SFR1: variants seen among roughly 807,000 people sequenced by gnomAD.
SFR1 encodes the protein swi5-dependent recombination DNA repair protein 1 homolog.
A neutral mutation model predicts 26.2 loss-of-function variants in SFR1; 24 were observed. The ratio of observed to expected loss-of-function variants is 0.92; its 90% CI spans 0.66 to 1.29. SFR1 has a LOEUF of 1.29. SFR1 is among the 50% of genes most tolerant of loss of function. The pLI, the probability that SFR1 is intolerant of heterozygous loss-of-function variation, is 0.00. For synonymous variants in SFR1, 77 were observed against 96.6 expected (o/e 0.80, Z 1.19); for missense variants, 276 against 270.2 (o/e 1.02, Z -0.15).
chr10:104,123,113 G>A, intron 2 of SFR1, 27 bp downstream of exon 2: 1 of 1,512,632 alleles, frequency 6.6e-7, no homozygotes. Context: ...TCTTCCAGTG[G>A]ATCCATTATG....
upstream of SFR1, among the ~76,000 whole-genome samples, chr10:104,120,903 C>A (rs1233285741): frequency 6.6e-6 from 1 of 152,156 alleles, no homozygotes; most frequent in Non-Finnish European, 1.5e-5. Context: ...CCACTACTGT[C>A]AGATGTTATT....
At chr10:104,121,675 G>A (rs2086962359), upstream of SFR1, among the ~76,000 whole-genome samples, 1 of 152,190 alleles carries the variant, frequency 6.6e-6, no homozygotes, top group African/African-American at 2.4e-5. Context: ...AGACTGACTG[G>A]AGCCAGAGAA....
At chr10:104,122,573 A>G in intron 1 of SFR1, 1 of 985,418 alleles carries the variant, frequency 1.0e-6, no homozygotes, top group Non-Finnish European at 1.2e-6. Context: ...GGTGACATTC[A>G]GGTCCTATTG....
rs2086984784 is a variant in SFR1, at chr10:104,123,067, C to G, written c.116C>G (p.Thr39Arg). ...QASANPSSPY[T>R]NSSRKQPMSA... ...TCTGCGAATCCATCATCTCCCTATACAAATAGTTCCCGAAAACAAGTATGA... is the reference window on the plus strand; with the variant it reads ...TCTGCGAATCCATCATCTCCCTATAGAAATAGTTCCCGAAAACAAGTATGA... The change falls in exon 2 of 4, where the codon ACA (threonine) becomes AGA (arginine). Residue 39 changes from threonine (T) to arginine (R), a missense_variant. Thr to Arg is a moderately conservative substitution (Grantham distance 71). Transcript: ENST00000369727. 1 of 1,572,746 alleles carries G rather than the reference C, an allele frequency of 6.4e-7. No individual in the cohort carries two copies. Among genetic ancestry groups the G allele is most frequent in the East Asian group, 2.2e-5 (1 of 44,500 alleles).
chr10:104,123,156 AT>A, intron 2 of SFR1, 70 bp downstream of exon 2: 1 of 1,195,968 alleles, frequency 8.4e-7, no homozygotes, highest in South Asian at 1.6e-5. Flanking sequence ...GGTGGTTTAA[AT>A]TCTACGGAAG....
chr10:104,125,375 A>T, intron 3 of SFR1, 138 bp from the exon 4 acceptor site: 3 of 636,700 alleles, frequency 4.7e-6, no homozygotes, highest in South Asian at 2.0e-5. Flanking sequence ...TGACCATCCT[A>T]CTTTTTCCTA....
At chr10:104,121,657 G>A (rs958837388), upstream of SFR1, among the ~76,000 whole-genome samples, 1 of 152,222 alleles carries the variant, frequency 6.6e-6, no homozygotes, top group Non-Finnish European at 1.5e-5. Context: ...GTGACTAGCA[G>A]GGAGAGGAGA....
upstream of SFR1, among the ~76,000 whole-genome samples, chr10:104,121,115 G>A (rs974371592): frequency 2.0e-5 from 3 of 151,902 alleles, no homozygotes; most frequent in African/African-American, 4.8e-5. Context: ...GCGCGGGGGG[G>A]GGATTTTCTC....
In SFR1 at chr10:104,123,000, C is replaced by G; in HGVS notation, c.49C>G (p.Pro17Ala). Residue 17 changes from proline to alanine, a missense_variant, in exon 2 of 4, where the codon CCG becomes GCG. Transcript: ENST00000369727. ...AGATTTCACTTTCAAGATGGAAAGT[C>G]CGTCAGACTCAGCTGTGGTTTTACC... ...NQDFTFKMES[P>A]SDSAVVLPST... 2 of 1,613,698 alleles carry G rather than the reference C, an allele frequency of 1.2e-6. No individual in the cohort carries two copies. The highest frequency in any genetic ancestry group is 1.7e-6 in the Non-Finnish European group (2 of 1,179,776).
rs560279227 is a variant in SFR1 at position 104,122,366 on chromosome 10, C to A, written c.13+170C>A. 50 of 985,398 alleles carry A rather than the reference C, an allele frequency of 5.1e-5. No homozygotes were observed. In the African/African-American group the frequency reaches 8.7e-4, roughly 17 times the overall value. The allele number at this position is 985,398 out of a possible 1,614,324, so 61.0% of individuals were successfully genotyped here. A position where few individuals can be genotyped will look rare whatever the true frequency, so the allele number is the denominator to read the frequency against. On this transcript the variant is annotated intron_variant, in intron 1 of 3. Coordinates refer to ENST00000369727, the MANE Select transcript of SFR1 (RefSeq NM_001002759.2). ...TGCAACGGGGGGAAGGAGGGGACGA[C>A]TCCCGCCCCTAGTTTACCCCTCAAA...
chr10:104,124,944 G>A (rs1438769074), intron 3 of SFR1, among the ~76,000 whole-genome samples: 1 of 152,036 alleles, frequency 6.6e-6, no homozygotes, highest in African/African-American at 2.4e-5. Flanking sequence ...CTACAGACAT[G>A]TGCCATCACA....
intron 3 of SFR1, among the ~76,000 whole-genome samples, chr10:104,125,178 C>T (rs1012541561): frequency 2.0e-5 from 3 of 152,246 alleles, no homozygotes; most frequent in African/African-American, 7.2e-5. Flanking sequence ...TAGTGGAAAG[C>T]ATAGTGTCAT....
upstream of SFR1, among the ~76,000 whole-genome samples, chr10:104,121,028 A>G (rs1281107557): frequency 6.6e-6 from 1 of 151,910 alleles, no homozygotes; most frequent in East Asian, 1.9e-4. Flanking sequence ...CAACTCTTTC[A>G]CTAAACCCAG....
Position 104,123,819 on chromosome 10 carries a change from C to G in SFR1, c.241C>G (p.Gln81Glu), listed in dbSNP as rs781146223. 1 of 1,612,774 alleles carries G rather than the reference C, an allele frequency of 6.2e-7. No homozygotes were observed. The highest frequency in any genetic ancestry group is 2.2e-5 in the East Asian group (1 of 44,832). Reference sequence around the variant, plus strand: ...TAAAGTAGAGAGTGAAGAAAATGATCAGACCTTTTCAGAGAAACCAGCATC... The same window carrying G: ...TAAAGTAGAGAGTGAAGAAAATGATGAGACCTTTTCAGAGAAACCAGCATC... ...RLKVESEEND[Q>E]TFSEKPASST... Residue 81 changes from glutamine to glutamate, a missense_variant, in exon 3 of 4, where the codon CAG becomes GAG. Gln to Glu is a conservative substitution (Grantham distance 29). Coordinates refer to ENST00000369727, the MANE Select transcript of SFR1 (RefSeq NM_001002759.2).
rs756066161 is a variant in SFR1 at position 104,123,054 on chromosome 10, T to G, written c.103T>G (p.Ser35Ala). Reference sequence around the variant, plus strand: ...CACTCCTCAGGCCTCTGCGAATCCATCATCTCCCTATACAAATAGTTCCCG... The same window carrying G: ...CACTCCTCAGGCCTCTGCGAATCCAGCATCTCCCTATACAAATAGTTCCCG... ...PSTPQASANP[S>A]SPYTNSSRKQ... Residue 35 changes from serine (S) to alanine (A), a missense_variant, in exon 2 of 4, where the codon TCA becomes GCA. Physicochemically the swap from Ser to Ala is moderately conservative, Grantham distance 99. Coordinates refer to ENST00000369727, the MANE Select transcript of SFR1 (RefSeq NM_001002759.2). 6 of 1,601,062 alleles carry G rather than the reference T, an allele frequency of 3.7e-6. No individual in the cohort carries two copies. Among genetic ancestry groups the G allele is most frequent in the Non-Finnish European group, 5.1e-6 (6 of 1,175,768 alleles).
Position 104,125,717 on chromosome 10 carries a change from G to C in SFR1, c.*13G>C. On this transcript the variant is annotated 3_prime_UTR_variant, in exon 4 of 4. Transcript: ENST00000369727. ...TATAGATGTTTAATTCCTGATTTTT[G>C]CTCCAGAATATCTTTGAGAATGACA... The C allele has an allele frequency of 6.5e-7, 1 of 1,535,432 alleles. No homozygotes were observed.
rs558529417 is a variant in SFR1 at position 104,125,636 on chromosome 10, G to C, written c.670G>C (p.Asp224His). The change falls in exon 4 of 4, where the codon GAC becomes CAC. Residue 224 changes from aspartate (D) to histidine (H), a missense_variant. By Grantham distance (81) the Asp-to-His change is moderately conservative. Transcript: ENST00000369727. ...NKKLSLTQLI[D>H]HYGLDDKLLH... ...GAAACTAAGCCTTACTCAATTGATA[G>C]ACCACTATGGGTTAGATGATAAATT... 3.7e-6 allele frequency: 6 copies of C among 1,612,832 alleles called. No individual in the cohort carries two copies. In the East Asian group the frequency reaches 1.3e-4, roughly 36 times the overall value.
upstream of SFR1, among the ~76,000 whole-genome samples, chr10:104,120,404 A>C (rs886547346): frequency 6.6e-6 from 1 of 152,182 alleles, no homozygotes; most frequent in Non-Finnish European, 1.5e-5. Flanking sequence ...ATTTTAAAAA[A>C]TTTTAGGAGT....
chr10:104,122,417 A>G (rs1222131053), intron 1 of SFR1: 2 of 985,280 alleles, frequency 2.0e-6, no homozygotes, highest in African/African-American at 3.5e-5. Flanking sequence ...CGGAGGAAGC[A>G]ATTTCAGTCC....
Sources: allele counts gnomAD v4.1 joint callset (sites outside exome capture counted in the v4.1 genomes callset), GRCh38; gene constraint gnomAD v4.1.1; transcripts MANE v1.5; gene names NCBI Gene and HGNC (gene_info 2026-07-23, HGNC 2026-07-21).